Variants in ESRP1 observed in about 807,000 individuals in gnomAD.
The protein encoded by ESRP1 is epithelial splicing regulatory protein 1.
A neutral mutation model predicts 81.7 loss-of-function variants in ESRP1; 33 were observed. The observed-to-expected ratio is 0.40, with a 90% CI of 0.31 to 0.54. The LOEUF is 0.54. Among genes scored for constraint, ESRP1 ranks in the 20% least tolerant of loss-of-function variants. The probability of loss-of-function intolerance (pLI) is 0.41; values close to 1 mark genes in which losing one functional copy is unlikely to be tolerated. For missense variants in ESRP1, 672 were observed against 833.1 expected, an observed-to-expected ratio of 0.81 and a Z score of 2.38; for synonymous variants, 320 against 303.3, an observed-to-expected ratio of 1.06 and a Z score of -0.57.
chr8:94,668,813 G>GTGTGTGTGTGTGTGTGTGT (rs1489119099), intron 10 of ESRP1, among the ~76,000 whole-genome samples: 17 of 151,436 alleles, frequency 1.1e-4, no homozygotes, highest in South Asian at 2.1e-4. Flanking sequence ...GTGTGTTTGA[G>GTGTGTGTGTGTGTGTGTGT]ATGGGGTCTT....
At chr8:94,686,393 T>C (rs1809142305) in intron 13 of ESRP1, among the ~76,000 whole-genome samples, 1 of 152,236 alleles carries the variant, frequency 6.6e-6, no homozygotes, top group Non-Finnish European at 1.5e-5. Context: ...AATCAATGTC[T>C]TTGCAACTGT....
Position 94,707,088 on chromosome 8 carries a change from A to C in ESRP1, c.*1199A>C, listed in dbSNP as rs988372183. ...AAGAAAACAGGATTTCATTAAGTGC[A>C]TTGAATGTGGATATTTCTCTAAGTT... On this transcript the variant is annotated 3_prime_UTR_variant, in exon 16 of 16. Transcript: ENST00000433389. The C allele has an allele frequency of 5.3e-5, 8 of 152,242 alleles. No homozygotes were observed. The highest frequency in any genetic ancestry group is 1.7e-4 in the African/African-American group (7 of 41,464). 9.4% of individuals were successfully genotyped at this position (152,242 alleles called of 1,614,324 possible).
At position 94,706,878 on chromosome 8, in the gene ESRP1, C is replaced by G. The variant is rs1810087539; in HGVS notation, c.*989C>G. 2 of 152,218 alleles carry G rather than the reference C, an allele frequency of 1.3e-5. No individual in the cohort carries two copies. Among genetic ancestry groups the G allele is most frequent in the Admixed American group, 1.3e-4 (2 of 15,274 alleles). The allele number at this position is 152,218 out of a possible 1,614,324, so 9.4% of individuals were successfully genotyped here. A position where few individuals can be genotyped will look rare whatever the true frequency, so the allele number is the denominator to read the frequency against. ...AAACCTTTTTCCTCTAATGCCTTAA[C>G]TGTCAAATAATTATAACCTTTTAAA... On this transcript the variant is annotated 3_prime_UTR_variant, in exon 16 of 16. Coordinates refer to ENST00000433389, the MANE Select transcript of ESRP1 (RefSeq NM_017697.4).
At chr8:94,675,038 C>A (rs528263190) in intron 12 of ESRP1, among the ~76,000 whole-genome samples, 20 of 152,222 alleles carry the variant, frequency 1.3e-4, no homozygotes, top group South Asian at 6.2e-4. Flanking sequence ...ACAAAAAAAA[C>A]CACATAGATT....
chr8:94,674,584 G>A, intron 12 of ESRP1, 78 bp downstream of exon 12: 1 of 1,360,922 alleles, frequency 7.3e-7, no homozygotes, highest in South Asian at 1.4e-5. Flanking sequence ...AACTTTCTGT[G>A]CCCCTGGTTC....
chr8:94,679,759 C>T (rs1222854265), intron 13 of ESRP1, among the ~76,000 whole-genome samples: 3 of 151,962 alleles, frequency 2.0e-5, no homozygotes, highest in Non-Finnish European at 2.9e-5. Flanking sequence ...TTTTATACAC[C>T]TCTGAGTCTA....
At chr8:94,641,516 C>T (rs147681754) in intron 1 of ESRP1, 66 bp downstream of exon 1, 5 of 1,595,202 alleles carry the variant, frequency 3.1e-6, no homozygotes, top group East Asian at 2.2e-5. Flanking sequence ...GAGGTTTGGG[C>T]GGGGAGGGGG....
At chr8:94,702,961 CAG>C (rs1470856195) in intron 15 of ESRP1, among the ~76,000 whole-genome samples, 1 of 152,072 alleles carries the variant, frequency 6.6e-6, no homozygotes, top group Non-Finnish European at 1.5e-5. Context: ...ACTTTAATGA[CAG>C]TGTATTACAA....
At chr8:94,684,218 A>C (rs902965049) in intron 13 of ESRP1, among the ~76,000 whole-genome samples, 1 of 152,150 alleles carries the variant, frequency 6.6e-6, no homozygotes, top group African/African-American at 2.4e-5. Context: ...TGGGTGAGAT[A>C]GATTGTTGGG....
chr8:94,663,446 G>A (rs1010508510), intron 6 of ESRP1, among the ~76,000 whole-genome samples: 2 of 151,944 alleles, frequency 1.3e-5, no homozygotes, highest in African/African-American at 2.4e-5. Flanking sequence ...GGGTTTTGCC[G>A]TGTTGACCAG....
intron 4 of ESRP1, among the ~76,000 whole-genome samples, chr8:94,657,741 G>A (rs1818507576): frequency 6.6e-6 from 1 of 152,134 alleles, no homozygotes; most frequent in Admixed American, 6.5e-5. Flanking sequence ...AACCAGGCAG[G>A]AATGCTTTAC....
intron 4 of ESRP1, among the ~76,000 whole-genome samples, chr8:94,654,051 G>A (rs1818281393): frequency 1.3e-5 from 2 of 152,214 alleles, no homozygotes; most frequent in Non-Finnish European, 2.9e-5. Context: ...TGGTACAGTG[G>A]CTCACGCCTG....
intron 1 of ESRP1, chr8:94,641,707 A>T: frequency 1.7e-6 from 1 of 593,590 alleles, no homozygotes; most frequent in Non-Finnish European, 2.6e-6. Context: ...CCGTCGGGGG[A>T]CGCTCCGCCG....
chr8:94,651,856 C>T (rs987303815), intron 4 of ESRP1, among the ~76,000 whole-genome samples: 38 of 152,214 alleles, frequency 2.5e-4, no homozygotes, highest in African/African-American at 8.7e-4. Flanking sequence ...GGTTATCCAC[C>T]CACCTCAGCC....
rs80191810 is a variant in ESRP1, at chr8:94,705,819, T to C, written c.*36-106T>C. The C allele has an allele frequency of 5.5e-3, 5,838 of 1,056,752 alleles. 25 individuals carry two copies. The highest frequency in any genetic ancestry group is 6.9e-3 in the Non-Finnish European group (5,089 of 739,934). 65.5% of individuals were successfully genotyped at this position (1,056,752 alleles called of 1,614,324 possible). A position where few individuals can be genotyped will look rare whatever the true frequency, so the allele number is the denominator to read the frequency against. On this transcript the variant is annotated intron_variant, in intron 15 of 15. Transcript: ENST00000433389. ...ACTTGGACCATCTTAAGGCTTTTTTTCCACAAAGTCCTTGTGGAATTTGAA... is the reference window on the plus strand; with the variant it reads ...ACTTGGACCATCTTAAGGCTTTTTTCCCACAAAGTCCTTGTGGAATTTGAA...
Position 94,664,976 on chromosome 8 carries a change from G to A in ESRP1, c.805G>A (p.Ala269Thr). The A allele has an allele frequency of 6.2e-7, 1 of 1,613,672 alleles. No homozygotes were observed. Among genetic ancestry groups the A allele is most frequent in the South Asian group, 1.1e-5 (1 of 91,048 alleles). Residue 269 changes from alanine (A) to threonine (T), a missense_variant, in exon 8 of 16, where the codon GCT becomes ACT. Transcript: ENST00000433389. ...TGCTCAGGGTCGAAGGAACGGAGAA[G>A]CTCTGGTTAGGTTTGTAAGTGAGGA... is the stretch of plus-strand genomic sequence containing the variant. Reference protein sequence around the residue: ...LNAQGRRNGEALVRFVSEEHR... With the variant: ...LNAQGRRNGETLVRFVSEEHR...
rs745731638 is a variant in ESRP1, at chr8:94,664,854, A to C, written c.755+47A>C. 3.7e-6 allele frequency: 6 copies of C among 1,609,402 alleles called. No homozygotes were observed. The East Asian group carries it at 1.3e-4, about 36-fold the overall frequency. ...TTTTACTTAACAATCCCAAAGGGATAATGGATTTTCTATCTTTTTTTTCCT... is the reference window on the plus strand; with the variant it reads ...TTTTACTTAACAATCCCAAAGGGATCATGGATTTTCTATCTTTTTTTTCCT... On this transcript the variant is annotated intron_variant, in intron 7 of 15. Coordinates refer to ENST00000433389, the MANE Select transcript of ESRP1 (RefSeq NM_017697.4).
In ESRP1 at chr8:94,641,414, G is replaced by C; in HGVS notation, c.96G>C (p.Leu32=). 1 of 1,613,908 alleles carries C rather than the reference G, an allele frequency of 6.2e-7. No homozygotes were observed. The highest frequency in any genetic ancestry group is 8.5e-7 in the Non-Finnish European group (1 of 1,179,886). Residue 32 remains leucine, a synonymous_variant, in exon 1 of 16, where the codon CTG becomes CTC. Transcript: ENST00000433389. ...GCTCGGATGAGAAGGAGTTGATCCT[G>C]CTGTTCTGGAAAGTCGTGGATCTGG... ...KLGSDEKELI[L]LFWKVVDLAN...
intron 4 of ESRP1, among the ~76,000 whole-genome samples, chr8:94,655,148 G>C (rs1818341130): frequency 6.6e-6 from 1 of 151,358 alleles, no homozygotes. Context: ...GGGGTGCAGT[G>C]GTGCGATCTC....
Sources: gnomAD v4.1 joint callset for allele counts (sites outside exome capture counted in the v4.1 genomes callset) on GRCh38, gnomAD v4.1.1 for gene constraint, MANE v1.5 for transcripts, NCBI Gene and HGNC (gene_info 2026-07-23, HGNC 2026-07-21) for gene names.